CD5: variants seen among roughly 807,000 people sequenced by gnomAD.
CD5 encodes T-cell surface glycoprotein CD5.
A neutral mutation model predicts 60.3 loss-of-function variants in CD5; 36 were observed. The ratio of observed to expected loss-of-function variants is 0.60; its 90% CI spans 0.46 to 0.79. The LOEUF (loss-of-function observed/expected upper bound fraction) is 0.79. CD5 is among the 30% of genes least tolerant of loss of function. CD5 has a pLI of 0.00. For synonymous variants in CD5, 230 were observed against 257.6 expected, an observed-to-expected ratio of 0.89 and a Z score of 1.03; for missense variants, 540 against 630.6, an observed-to-expected ratio of 0.86 and a Z score of 1.54.
upstream of CD5, among the ~76,000 whole-genome samples, chr11:61,098,380 A>T (rs1287065780): frequency 1.3e-5 from 2 of 152,220 alleles, no homozygotes; most frequent in Non-Finnish European, 2.9e-5. Context: ...TGAGATTCTC[A>T]AAAGAGGGGA....
At chr11:61,116,497 C>CCACCA (rs1860949856) in intron 2 of CD5, among the ~76,000 whole-genome samples, 1 of 120,106 alleles carries the variant, frequency 8.3e-6, no homozygotes, top group Non-Finnish European at 1.6e-5. Flanking sequence ...CCCACACACA[C>CCACCA]CACCACACCA....
chr11:61,096,579 C>G, the CD5 span, among the ~76,000 whole-genome samples: 1 of 152,218 alleles, frequency 6.6e-6, no homozygotes, highest in Non-Finnish European at 1.5e-5. Flanking sequence ...CTTGTACATG[C>G]CTGACTGTCC....
upstream of CD5, among the ~76,000 whole-genome samples, chr11:61,101,772 TCA>T (rs1167451830): frequency 6.4e-5 from 9 of 141,108 alleles, no homozygotes; most frequent in Admixed American, 1.4e-4. Flanking sequence ...AACATGGAGT[TCA>T]CACACACATC....
At chr11:61,106,687 CTG>C (rs139279627) in intron 1 of CD5, among the ~76,000 whole-genome samples, 5 of 151,638 alleles carry the variant, frequency 3.3e-5, no homozygotes, top group South Asian at 2.1e-4. Context: ...TGAACATCTA[CTG>C]TGTGTGTGTG....
chr11:61,119,188 C>A (rs761025678), intron 4 of CD5, 46 bp from the exon 5 acceptor site: 273 of 1,507,080 alleles, frequency 1.8e-4, no homozygotes, highest in Non-Finnish European at 2.3e-4. Flanking sequence ...CCCAGGAAGC[C>A]CTCGGCGCTC....
At chr11:61,099,034 A>G (rs146641121), upstream of CD5, among the ~76,000 whole-genome samples, 6 of 152,066 alleles carry the variant, frequency 3.9e-5, no homozygotes, top group East Asian at 1.2e-3. Context: ...AAAGGATGTG[A>G]GGAAAAAACG....
chr11:61,127,062 T>C lies in CD5; in HGVS notation c.*777T>C, dbSNP rs1013754144. The C allele has an allele frequency of 6.6e-6, 1 of 152,294 alleles. No homozygotes were observed. Among genetic ancestry groups the C allele is most frequent in the African/African-American group, 2.4e-5 (1 of 41,478 alleles). The allele number at this position is 152,294 out of a possible 1,614,324, so 9.4% of individuals were successfully genotyped here. A position where few individuals can be genotyped will look rare whatever the true frequency, so the allele number is the denominator to read the frequency against. The stretch of plus-strand genomic sequence containing the variant: ...AGTAAACCTTAACCAACTTGGTTTT[T>C]TGCTTCACCCAGCAATTAAAAGTCC... On this transcript the variant is annotated 3_prime_UTR_variant, in exon 11 of 11. Transcript: ENST00000347785.
At chr11:61,105,371 T>G (rs552935619) in intron 1 of CD5, among the ~76,000 whole-genome samples, 1 of 152,226 alleles carries the variant, frequency 6.6e-6, no homozygotes, top group Non-Finnish European at 1.5e-5. Flanking sequence ...ACTTACCAAC[T>G]GGGCGACCTT....
At chr11:61,102,057 G>C (rs935152643), upstream of CD5, among the ~76,000 whole-genome samples, 7 of 152,190 alleles carry the variant, frequency 4.6e-5, no homozygotes, top group East Asian at 1.9e-4. Context: ...CCTCACAAAG[G>C]GGGAATGGAG....
chr11:61,101,116 A>G (rs1406402227), upstream of CD5, among the ~76,000 whole-genome samples: 21 of 100,912 alleles, frequency 2.1e-4, no homozygotes, highest in African/African-American at 4.3e-4. Flanking sequence ...CAACATGGAG[A>G]TCACACACAC....
At chr11:61,120,998 G>A (rs1565186603) in intron 5 of CD5, among the ~76,000 whole-genome samples, 1 of 152,244 alleles carries the variant, frequency 6.6e-6, no homozygotes, top group Non-Finnish European at 1.5e-5. Context: ...GCATGTGTGG[G>A]CCTCAGCTAC....
At chr11:61,124,953 T>A in intron 8 of CD5, 79 bp from the exon 9 acceptor site, 1 of 1,582,652 alleles carries the variant, frequency 6.3e-7, no homozygotes, top group Middle Eastern at 1.7e-4. Flanking sequence ...AATAGGAGAT[T>A]AAAGTTCTGG....
intron 1 of CD5, among the ~76,000 whole-genome samples, chr11:61,104,399 T>C (rs930350745): frequency 2.0e-5 from 3 of 152,142 alleles, no homozygotes; most frequent in Admixed American, 6.5e-5. Flanking sequence ...GACCAGGCCC[T>C]TAAACCCCCC....
chr11:61,105,718 C>G (rs1590765996), intron 1 of CD5, among the ~76,000 whole-genome samples: 1 of 152,178 alleles, frequency 6.6e-6, no homozygotes, highest in African/African-American at 2.4e-5. Context: ...TATTGAGCAT[C>G]TCCTGTGCAT....
rs1204402664 is a variant in CD5, at chr11:61,127,743, T to G, written c.*1458T>G. On this transcript the variant is annotated 3_prime_UTR_variant, in exon 11 of 11. Coordinates refer to ENST00000347785, the MANE Select transcript of CD5 (RefSeq NM_014207.4). ...AGCCAGTGTCTCCCATCAGTGCCTT[T>G]TTTAATAAAAGCTCTTTCATCTATA... The G allele has an allele frequency of 2.0e-5, 3 of 152,216 alleles. No individual in the cohort carries two copies. Among genetic ancestry groups the G allele is most frequent in the Non-Finnish European group, 4.4e-5 (3 of 68,044 alleles). The allele number at this position is 152,216 out of a possible 1,614,324, so 9.4% of individuals were successfully genotyped here.
At chr11:61,113,759 C>A (rs1485921001) in intron 1 of CD5, among the ~76,000 whole-genome samples, 2 of 152,130 alleles carry the variant, frequency 1.3e-5, no homozygotes, top group Non-Finnish European at 2.9e-5. Flanking sequence ...GCCTCCACCT[C>A]CCAGGTTCAA....
the CD5 span, among the ~76,000 whole-genome samples, chr11:61,097,392 CTTAG>C: frequency 2.6e-5 from 4 of 152,172 alleles, no homozygotes; most frequent in Non-Finnish European, 5.9e-5. Flanking sequence ...CGTAGGACGA[CTTAG>C]TTGTCTGGGA....
Position 61,119,533 on chromosome 11 carries a change from A to C in CD5, c.763A>C (p.Lys255Gln), listed in dbSNP as rs770026274. 1.2e-6 allele frequency: 2 copies of C among 1,613,522 alleles called. No homozygotes were observed. Among genetic ancestry groups the C allele is most frequent in the Non-Finnish European group, 1.7e-6 (2 of 1,179,892 alleles). The change falls in exon 5 of 11, where the codon AAG (lysine) becomes CAG (glutamine). Residue 255 changes from lysine to glutamine, a missense_variant. Lys to Gln is a moderately conservative substitution (Grantham distance 53). Transcript: ENST00000347785. ...TSLEHCFRKIKPQKSGRVLAL... is the reference protein window; with the variant it reads ...TSLEHCFRKIQPQKSGRVLAL... ...CCTGGAGCATTGCTTCAGGAAAATC[A>C]AGCCCCAGAAAAGTGGCCGAGTTCT...
In CD5 at chr11:61,119,313, G is replaced by C. The variant is rs550112612; in HGVS notation, c.543G>C (p.Leu181=). 1.9e-6 allele frequency: 3 copies of C among 1,613,810 alleles called. No homozygotes were observed. Among genetic ancestry groups the C allele is most frequent in the Non-Finnish European group, 2.5e-6 (3 of 1,179,940 alleles). ...TGGTGGAGTTCTACAGCGGCAGCCT[G>C]GGGGGTACCATCAGCTATGAGGCCC... is the stretch of plus-strand genomic sequence containing the variant. ...AGVVEFYSGS[L]GGTISYEAQD... is the part of the protein sequence containing the mutation. Residue 181 remains leucine (L), a synonymous_variant, in exon 5 of 11, where the codon CTG becomes CTC. Transcript: ENST00000347785.
Sources: gnomAD v4.1 joint callset for allele counts (sites outside exome capture counted in the v4.1 genomes callset) on GRCh38, gnomAD v4.1.1 for gene constraint, MANE v1.5 for transcripts, NCBI Gene and HGNC (gene_info 2026-07-23, HGNC 2026-07-21) for gene names.